The following SZT2 variants were observed in gnomAD, a reference collection of about 807,000 sequenced individuals.
SZT2 encodes the protein SZT2 subunit of KICSTOR complex.
A neutral mutation model predicts 404.2 loss-of-function variants in SZT2; 216 were observed. The ratio of observed to expected loss-of-function variants is 0.53; its 90% CI spans 0.48 to 0.60. The LOEUF (loss-of-function observed/expected upper bound fraction) is 0.60. SZT2 is among the 20% of genes least tolerant of loss of function. SZT2 has a pLI of 0.00. For missense variants in SZT2, 3,857 were observed against 4,459.2 expected, an observed-to-expected ratio of 0.86 and a Z score of 3.85; for synonymous variants, 1,693 against 1,749.9, an observed-to-expected ratio of 0.97 and a Z score of 0.81.
In SZT2 at chr1:43,452,322, G is replaced by T. The variant is rs753436258; in HGVS notation, c.*1842G>T. 12 of 1,611,644 alleles carry T rather than the reference G, an allele frequency of 7.4e-6. No individual in the cohort carries two copies. The highest frequency in any genetic ancestry group is 1.0e-5 in the Non-Finnish European group (12 of 1,178,248). On this transcript the variant is annotated 3_prime_UTR_variant, in exon 72 of 72. Transcript: ENST00000634258. ...CTCGGCCAGCCATCAGGTGGATCCTGTGGGGAAGATGGACTGGAGGCCTTG... is the reference window on the plus strand; with the variant it reads ...CTCGGCCAGCCATCAGGTGGATCCTTTGGGGAAGATGGACTGGAGGCCTTG...
chr1:43,434,404 T>TG lies in SZT2; in HGVS notation c.5829dup (p.Pro1944AlafsTer4). 2 of 1,595,948 alleles carry TG rather than the reference T, an allele frequency of 1.3e-6. No homozygotes were observed. Among genetic ancestry groups the TG allele is most frequent in the Non-Finnish European group, 1.7e-6 (2 of 1,172,852 alleles). On this transcript the variant is annotated frameshift_variant, in exon 41 of 72. Coordinates refer to ENST00000634258, the MANE Select transcript of SZT2 (RefSeq NM_001365999.1). LOFTEE classifies it high-confidence loss of function. ...TTCCCAGGAGCCTGATTCGGGAGGATGGGGGGCCGGGCACTGAGTGTCGCC... is the reference window on the plus strand; with the variant it reads ...TTCCCAGGAGCCTGATTCGGGAGGATGGGGGGGCCGGGCACTGAGTGTCGCC...
At position 43,437,853 on chromosome 1, in the gene SZT2, C is replaced by T. The variant is rs1557583251; in HGVS notation, c.6459C>T (p.Gly2153=). The T allele has an allele frequency of 6.2e-7, 1 of 1,614,112 alleles. No homozygotes were observed. The highest frequency in any genetic ancestry group is 8.5e-7 in the Non-Finnish European group (1 of 1,180,032). ...GTTCAGATGCTGCTCGTCCTGTGGGCCAAGTGGACAGACATATCCAGCTGC... is the reference window on the plus strand; with the variant it reads ...GTTCAGATGCTGCTCGTCCTGTGGGTCAAGTGGACAGACATATCCAGCTGC... ...SRSSDAARPV[G]QVDRHIQLLV... is the part of the protein sequence containing the mutation. Residue 2153 remains glycine (G), a synonymous_variant, in exon 46 of 72, where the codon GGC becomes GGT. Coordinates refer to ENST00000634258, the MANE Select transcript of SZT2 (RefSeq NM_001365999.1). The surrounding 1 kb of genome is among the most constrained non-coding windows in gnomAD (Gnocchi z 5.3).
At chr1:43,411,640 G>A (rs1055477320) in intron 4 of SZT2, among the ~76,000 whole-genome samples, 3 of 152,030 alleles carry the variant, frequency 2.0e-5, no homozygotes, top group Non-Finnish European at 2.9e-5. Flanking sequence ...CAAGTGCTGA[G>A]CTCCAGCACT....
Position 43,441,512 on chromosome 1 carries a change from C to T in SZT2, c.7520C>T (p.Thr2507Ile), listed in dbSNP as rs942838342. Residue 2507 changes from threonine (T) to isoleucine (I), a missense_variant, in exon 54 of 72, where the codon ACA becomes ATA. Thr to Ile is a moderately conservative substitution (Grantham distance 89). Around this residue, in one of 7 missense-constraint regions of SZT2, gnomAD observed 573 missense variants for 592.4 expected, o/e 0.97. Transcript: ENST00000634258. The surrounding 1 kb of genome is among the most constrained non-coding windows in gnomAD (Gnocchi z 4.8). ...DSGAQRQKRR[T>I]TQLEEGEVGT... ...ACTCCCACTGTCTTCAGGCGCCGGACAACACAGCTAGAAGAGGGTGAGGTG... is the reference window on the plus strand; with the variant it reads ...ACTCCCACTGTCTTCAGGCGCCGGATAACACAGCTAGAAGAGGGTGAGGTG... The T allele has an allele frequency of 6.2e-7, 1 of 1,613,630 alleles. No homozygotes were observed. Among genetic ancestry groups the T allele is most frequent in the African/African-American group, 1.3e-5 (1 of 74,934 alleles).
intron 1 of SZT2, among the ~76,000 whole-genome samples, chr1:43,399,304 T>C (rs148384848): frequency 1.6e-4 from 25 of 152,160 alleles, no homozygotes; most frequent in African/African-American, 5.5e-4. Flanking sequence ...CCGTGAAAGA[T>C]AGTGGTGGTT....
intron 1 of SZT2, chr1:43,393,978 A>T: frequency 1.8e-6 from 1 of 559,412 alleles, no homozygotes; most frequent in Non-Finnish European, 2.3e-6. Context: ...ATAGCAAATG[A>T]TAGAATCAGA....
chr1:43,390,100 C>T (rs1474883591), intron 1 of SZT2, 105 bp downstream of exon 1: 2 of 1,278,726 alleles, frequency 1.6e-6, no homozygotes, highest in African/African-American at 1.6e-5. Context: ...GGCCGGGCTG[C>T]GTAGCCTCGG....
chr1:43,442,729 G>A lies in SZT2; in HGVS notation c.8152-90G>A. 6.5e-7 allele frequency: 1 copy of A among 1,535,578 alleles called. No individual in the cohort carries two copies. Among genetic ancestry groups the A allele is most frequent in the Non-Finnish European group, 8.7e-7 (1 of 1,143,540 alleles). ...GACAGACTGAGGGCAGAGGTAGTGG[G>A]GAGGGAGAGTCTGAGAGAGGAAGCC... is the stretch of plus-strand genomic sequence containing the variant. On this transcript the variant is annotated intron_variant, in intron 58 of 71. Coordinates refer to ENST00000634258, the MANE Select transcript of SZT2 (RefSeq NM_001365999.1). This position sits in a 1 kb window ranked among gnomAD's most constrained non-coding sequence, Gnocchi z 4.5.
Position 43,452,268 on chromosome 1 carries a change from G to C in SZT2, c.*1788G>C, listed in dbSNP as rs968438557. 2 of 1,613,986 alleles carry C rather than the reference G, an allele frequency of 1.2e-6. No homozygotes were observed. The highest frequency in any genetic ancestry group is 2.7e-5 in the African/African-American group (2 of 74,932). ...GAAAAACGGCCTCCATCTCAGCCTT[G>C]ACTGCTATTCGATCAGCTCCCTGGG... is the stretch of plus-strand genomic sequence containing the variant. On this transcript the variant is annotated 3_prime_UTR_variant, in exon 72 of 72. Transcript: ENST00000634258.
At position 43,431,496 on chromosome 1, in the gene SZT2, A is replaced by G; in HGVS notation, c.5061A>G (p.Arg1687=). 1.2e-6 allele frequency: 2 copies of G among 1,614,120 alleles called. No individual in the cohort carries two copies. Among genetic ancestry groups the G allele is most frequent in the Non-Finnish European group, 1.7e-6 (2 of 1,180,014 alleles). ...TATCCAATTTGGCCACGCCCCACAG[A>G]CTGGCTATTGAGACCACCATGAATG... is the stretch of plus-strand genomic sequence containing the variant. The part of the protein sequence containing the change: ...PGLSNLATPH[R]LAIETTMNEI... Residue 1687 remains arginine (R), a synonymous_variant, in exon 35 of 72, where the codon AGA becomes AGG. Transcript: ENST00000634258.
At position 43,424,614 on chromosome 1, in the gene SZT2, A is replaced by T. The variant is rs1652921154; in HGVS notation, c.2472-170A>T. On this transcript the variant is annotated intron_variant, in intron 16 of 71. Transcript: ENST00000634258. The surrounding 1 kb of genome is among the most constrained non-coding windows in gnomAD (Gnocchi z 4.1). Reference sequence around the variant, plus strand: ...CACCCGATTTGTTTTGTCCTCTCTCATCCTCACTGGATTTGTTATACCCTG... The same window carrying T: ...CACCCGATTTGTTTTGTCCTCTCTCTTCCTCACTGGATTTGTTATACCCTG... Among the ~76,000 whole-genome samples the T allele has an allele frequency of 6.6e-6, 1 of 152,088 alleles. No homozygotes were observed. The highest frequency in any genetic ancestry group is 1.5e-5 in the Non-Finnish European group (1 of 67,990).
At chr1:43,434,196 C>G (rs1341852675) in intron 40 of SZT2, among the ~76,000 whole-genome samples, 190 bp from the exon 41 acceptor site, 1 of 152,244 alleles carries the variant, frequency 6.6e-6, no homozygotes, top group Non-Finnish European at 1.5e-5. Context: ...AGAATTCCGT[C>G]TCTTCCATTT....
Position 43,426,445 on chromosome 1 carries a change from G to T in SZT2, c.3121G>T (p.Gly1041Trp). The T allele has an allele frequency of 6.3e-7, 1 of 1,596,870 alleles. No individual in the cohort carries two copies. ...MVLCLLHSCL[G>W]QELSDREIPL... ...GCTGTGCCTGCTGCACAGCTGCCTG[G>T]GGCAGGAGCTGAGTGACCGGGAGAT... The change falls in exon 22 of 72, where the codon GGG becomes TGG. Residue 1041 changes from glycine (G) to tryptophan (W), a missense_variant. Gly to Trp is a radical substitution (Grantham distance 184). Coordinates refer to ENST00000634258, the MANE Select transcript of SZT2 (RefSeq NM_001365999.1). The surrounding 1 kb of genome is among the most constrained non-coding windows in gnomAD (Gnocchi z 4.9).
At chr1:43,411,769 CTTTTTTTTTTTTTTTTT>C (rs386366817) in intron 4 of SZT2, among the ~76,000 whole-genome samples, 4 of 74,046 alleles carry the variant, frequency 5.4e-5, no homozygotes, top group Non-Finnish European at 9.6e-5. Flanking sequence ...CATCCACTAT[CTTTTTTTTTTTTTTTTT>C]TTTTTTTTTT....
In SZT2 at chr1:43,442,783, A is replaced by C; in HGVS notation, c.8152-36A>C. On this transcript the variant is annotated intron_variant, in intron 58 of 71. Coordinates refer to ENST00000634258, the MANE Select transcript of SZT2 (RefSeq NM_001365999.1). The surrounding 1 kb of genome is among the most constrained non-coding windows in gnomAD (Gnocchi z 4.5). ...GGATGAGAGAGAGGGTCCGAGGGCA[A>C]AGGCTATGAACCCATTGCAATGCTC... 1.9e-6 allele frequency: 3 copies of C among 1,557,030 alleles called. No individual in the cohort carries two copies. The highest frequency in any genetic ancestry group is 2.6e-6 in the Non-Finnish European group (3 of 1,150,086).
intron 36 of SZT2, 29 bp downstream of exon 36, chr1:43,431,930 C>T (rs1653938300): frequency 2.5e-6 from 4 of 1,611,982 alleles, no homozygotes; most frequent in African/African-American, 2.7e-5. Flanking sequence ...ACTGCAGGGT[C>T]ACCTTGGGGC....
intron 7 of SZT2, among the ~76,000 whole-genome samples, 167 bp from the exon 8 acceptor site, chr1:43,419,567 G>A (rs1486587788): frequency 2.0e-5 from 3 of 152,190 alleles, no homozygotes; most frequent in African/African-American, 7.2e-5. Flanking sequence ...AAGGGCTTAA[G>A]GAAGGAAAGA....
chr1:43,424,182 G>A lies in SZT2; in HGVS notation c.2256-35G>A, dbSNP rs745610425. ...GGAAGGGCGTGGCTTAGCCGGGGAT[G>A]AGAGAGATAGCTGGGGAGTTGTCCC... On this transcript the variant is annotated intron_variant, in intron 15 of 71. Transcript: ENST00000634258. This position sits in a 1 kb window ranked among gnomAD's most constrained non-coding sequence, Gnocchi z 4.1. The A allele has an allele frequency of 4.5e-6, 7 of 1,572,330 alleles. No individual in the cohort carries two copies. Among genetic ancestry groups the A allele is most frequent in the Non-Finnish European group, 6.0e-6 (7 of 1,161,260 alleles).
Position 43,443,039 on chromosome 1 carries a change from C to T in SZT2, c.8372C>T (p.Thr2791Ile), listed in dbSNP as rs1200420196. 6.2e-7 allele frequency: 1 copy of T among 1,613,860 alleles called. No individual in the cohort carries two copies. The highest frequency in any genetic ancestry group is 8.5e-7 in the Non-Finnish European group (1 of 1,179,844). Reference protein sequence around the residue: ...GPVPRPPDPVTYHGQQFLEIK... With the variant: ...GPVPRPPDPVIYHGQQFLEIK... ...GTGCCCAGACCTCCTGATCCTGTCA[C>T]CTACCATGGACAACAGTTCCTAGAG... is the stretch of plus-strand genomic sequence containing the variant. Residue 2791 changes from threonine (T) to isoleucine (I), a missense_variant, in exon 59 of 72, where the codon ACC (threonine) becomes ATC (isoleucine). Thr to Ile is a moderately conservative substitution (Grantham distance 89, BLOSUM62 -1). Coordinates refer to ENST00000634258, the MANE Select transcript of SZT2 (RefSeq NM_001365999.1).
Sources: gnomAD v4.1 joint callset for allele counts (sites outside exome capture counted in the v4.1 genomes callset) on GRCh38, gnomAD v4.1.1 for gene constraint, gnomAD v4.1.1 regional missense constraint, Gnocchi (gnomAD v3.1) non-coding constraint, MANE v1.5 for transcripts, NCBI Gene and HGNC (gene_info 2026-07-23, HGNC 2026-07-21) for gene names.